Variants in NUCB2 observed in about 807,000 individuals in gnomAD.
NUCB2 encodes nucleobindin-2.
Under a neutral mutation model 57.9 loss-of-function variants are expected in NUCB2, and 48 were observed. That is an observed-to-expected ratio of 0.83 (90% CI 0.66 to 1.05). The LOEUF (loss-of-function observed/expected upper bound fraction) is 1.05, where lower values mean the gene tolerates loss of function less well. Among genes scored for constraint, NUCB2 ranks in the 50% least tolerant of loss-of-function variants. The pLI is 0.00. For missense variants in NUCB2, 442 were observed against 476.2 expected (o/e 0.93, Z 0.67); for synonymous variants, 139 against 152.1 (o/e 0.91, Z 0.64).
intron 2 of NUCB2, among the ~76,000 whole-genome samples, chr11:17,290,888 A>C (rs939208180): frequency 2.8e-4 from 43 of 151,986 alleles, no homozygotes; most frequent in African/African-American, 1.0e-3. Context: ...TTTTTGCTCT[A>C]TTTTTACTCC....
intron 2 of NUCB2, among the ~76,000 whole-genome samples, chr11:17,290,615 T>C (rs985046691): frequency 3.9e-5 from 6 of 152,082 alleles, no homozygotes; most frequent in Non-Finnish European, 7.4e-5. Context: ...TTAAATTTAC[T>C]GTAAAGCTAG....
At chr11:17,305,469 G>A (rs901289089) in intron 5 of NUCB2, among the ~76,000 whole-genome samples, 3 of 152,068 alleles carry the variant, frequency 2.0e-5, no homozygotes, top group Non-Finnish European at 4.4e-5. Context: ...CTAAGCCTCA[G>A]TCATTAAAAC....
intron 1 of NUCB2, among the ~76,000 whole-genome samples, chr11:17,277,568 G>C (rs1178334943): frequency 6.6e-6 from 1 of 152,128 alleles, no homozygotes; most frequent in Non-Finnish European, 1.5e-5. Flanking sequence ...ATTTTTGAGA[G>C]ACAGAACCTC....
At chr11:17,321,509 A>C (rs1379315437) in intron 11 of NUCB2, among the ~76,000 whole-genome samples, 1 of 152,164 alleles carries the variant, frequency 6.6e-6, no homozygotes, top group Non-Finnish European at 1.5e-5. Context: ...CTGTTGATGG[A>C]TGCTTAGCTT....
intron 11 of NUCB2, among the ~76,000 whole-genome samples, 173 bp downstream of exon 11, chr11:17,315,648 AATTT>A (rs1949131766): frequency 1.3e-5 from 2 of 152,226 alleles, no homozygotes; most frequent in Non-Finnish European, 2.9e-5. Flanking sequence ...AGCTTGTAGC[AATTT>A]ATTTCTTGTT....
Position 17,311,875 on chromosome 11 carries a change from T to C in NUCB2, c.764T>C (p.Val255Ala). 6.3e-7 allele frequency: 1 copy of C among 1,583,448 alleles called. No homozygotes were observed. Among genetic ancestry groups the C allele is most frequent in the Non-Finnish European group, 8.6e-7 (1 of 1,161,492 alleles). ...DPKTFFKLHD[V>A]NSDGFLDEQE... ...ATTTGTAACTTTTAAACTTTAGATG[T>C]CAATAGTGATGGATTCCTGGATGAA... is the stretch of plus-strand genomic sequence containing the variant. Residue 255 changes from valine (V) to alanine (A), a missense_variant, in exon 9 of 14, where the codon GTC (valine) becomes GCC (alanine). Coordinates refer to ENST00000529010, the MANE Select transcript of NUCB2 (RefSeq NM_005013.4).
chr11:17,324,760 C>G (rs887138973), intron 11 of NUCB2, among the ~76,000 whole-genome samples: 11 of 150,906 alleles, frequency 7.3e-5, no homozygotes, highest in African/African-American at 2.4e-4. Flanking sequence ...GTTTTGTGAC[C>G]TAGCATATTG....
chr11:17,348,465 A>C (rs935311471), intron 2 of NUCB2, among the ~76,000 whole-genome samples: 1 of 150,794 alleles, frequency 6.6e-6, no homozygotes, highest in African/African-American at 2.4e-5. Flanking sequence ...CAGCCTCTCA[A>C]ATAGCTGGGA....
chr11:17,330,885 C>G lies in NUCB2; in HGVS notation c.1174-17C>G. On this transcript the variant is annotated splice_polypyrimidine_tract_variant and intron_variant, in intron 12 of 13. Coordinates refer to ENST00000529010, the MANE Select transcript of NUCB2 (RefSeq NM_005013.4). The surrounding 1 kb of genome is among the most constrained non-coding windows in gnomAD (Gnocchi z 4.3). Reference sequence around the variant, plus strand: ...AAAATCAAGTTATACTTTTAACTTTCATTTTCCATTCACCAGGTCATACAG... The same window carrying G: ...AAAATCAAGTTATACTTTTAACTTTGATTTTCCATTCACCAGGTCATACAG... The G allele has an allele frequency of 6.8e-7, 1 of 1,475,438 alleles. No individual in the cohort carries two copies. Among genetic ancestry groups the G allele is most frequent in the Non-Finnish European group, 9.5e-7 (1 of 1,053,646 alleles). 91.4% of individuals were successfully genotyped at this position (1,475,438 alleles called of 1,614,324 possible). A position where few individuals can be genotyped will look rare whatever the true frequency, so the allele number is the denominator to read the frequency against.
chr11:17,286,176 C>A (rs370182478), intron 2 of NUCB2, among the ~76,000 whole-genome samples: 8 of 152,116 alleles, frequency 5.3e-5, no homozygotes, highest in Non-Finnish European at 1.2e-4. Context: ...GCTGGGACTA[C>A]AGGCATGTGC....
At chr11:17,328,390 C>T (rs1470562229) in intron 11 of NUCB2, among the ~76,000 whole-genome samples, 4 of 152,168 alleles carry the variant, frequency 2.6e-5, no homozygotes, top group Non-Finnish European at 2.9e-5. Context: ...TTCATGGTGG[C>T]GAGTTCCCCC....
intron 5 of NUCB2, among the ~76,000 whole-genome samples, chr11:17,307,550 T>G (rs1296956190): frequency 6.6e-6 from 1 of 152,224 alleles, no homozygotes; most frequent in African/African-American, 2.4e-5. Flanking sequence ...TTTTTGTGCA[T>G]TGTTTTTCAA....
downstream of NUCB2, chr11:17,332,518 C>T (rs960978300): frequency 6.8e-5 from 10 of 147,794 alleles, no homozygotes; most frequent in African/African-American, 2.5e-4. Context: ...AAAACACTCA[C>T]CCCTCTCTCC....
At chr11:17,285,447 T>G (rs1222276232) in intron 2 of NUCB2, among the ~76,000 whole-genome samples, 5 of 151,860 alleles carry the variant, frequency 3.3e-5, no homozygotes, top group Admixed American at 1.3e-4. Context: ...CATGGTGGCA[T>G]GCGCCTGTAG....
At chr11:17,282,252 ATATATATTTTT>A (rs1331477672) in intron 1 of NUCB2, among the ~76,000 whole-genome samples, 3 of 95,420 alleles carry the variant, frequency 3.1e-5, no homozygotes, top group South Asian at 3.2e-4. Flanking sequence ...ATATATATAT[ATATATATTTTT>A]TTTTTTTTTT....
chr11:17,321,044 A>G (rs1030210710), intron 11 of NUCB2, among the ~76,000 whole-genome samples: 1 of 151,316 alleles, frequency 6.6e-6, no homozygotes, highest in Non-Finnish European at 1.5e-5. Flanking sequence ...TGTAATAATC[A>G]CATAATGGAA....
In NUCB2 at chr11:17,309,589, CA is replaced by C. The variant is rs769051788; in HGVS notation, c.399del (p.Ala134LeufsTer3). ...DSLQDIGMDHQALLKQFDHLN... is the reference protein window; with the variant it reads ...DSLQDIGMDHXALLKQFDHLN... ...TCTTTCAGATATAGGCATGGACCAC[CA>C]AGCTCTTCTAAAACAATTTGATCAC... is the stretch of plus-strand genomic sequence containing the variant. On this transcript the variant is annotated frameshift_variant, in exon 6 of 14. Coordinates refer to ENST00000529010, the MANE Select transcript of NUCB2 (RefSeq NM_005013.4). LOFTEE classifies it high-confidence loss of function. 20 of 1,594,690 alleles carry C rather than the reference CA, an allele frequency of 1.3e-5. No homozygotes were observed. The highest frequency in any genetic ancestry group is 1.6e-5 in the Non-Finnish European group (19 of 1,172,494).
rs375005713 is a variant in NUCB2 at position 17,343,922 on chromosome 11, G to A, written n.2627-5423G>A. 3.9e-4 allele frequency among the ~76,000 whole-genome samples: 60 copies of A among 152,072 alleles called. 1 individual carries two copies. In the East Asian group the frequency reaches 5.6e-3, roughly 14 times the overall value. On this transcript the variant is annotated intron_variant and non_coding_transcript_variant, in intron 2 of 2. Transcript: ENST00000532240. ...ATATGTGTGTGTATTTATTCCCTTT[G>A]ATGTTCATAGTATGTTTCATTGAGG...
chr11:17,307,447 A>G (rs1024958800), intron 5 of NUCB2, among the ~76,000 whole-genome samples: 28 of 152,344 alleles, frequency 1.8e-4, no homozygotes, highest in African/African-American at 6.5e-4. Flanking sequence ...GGCATGAGCC[A>G]CTGTGCCTGA....
Sources: gnomAD v4.1 joint callset for allele counts (sites outside exome capture counted in the v4.1 genomes callset) on GRCh38, gnomAD v4.1.1 for gene constraint, Gnocchi (gnomAD v3.1) non-coding constraint, MANE v1.5 for transcripts, NCBI Gene and HGNC (gene_info 2026-07-23, HGNC 2026-07-21) for gene names.